FH: variants seen among roughly 807,000 people sequenced by gnomAD.
The protein encoded by FH is fumarate hydratase.
A neutral mutation model predicts 49.4 loss-of-function variants in FH; 22 were observed. That is an observed-to-expected ratio of 0.45 (90% confidence interval 0.32 to 0.64). FH has a LOEUF of 0.64. Ranked by LOEUF, FH falls within the 30% of genes least tolerant of loss-of-function variation. The probability of loss-of-function intolerance (pLI) is 0.05; values close to 1 mark genes in which losing one functional copy is unlikely to be tolerated. For synonymous variants in FH, 208 were observed against 223.0 expected (o/e 0.93, Z 0.60); for missense variants, 526 against 641.5 (o/e 0.82, Z 1.95).
At chr1:241,506,647 A>C (rs1186662467) in intron 5 of FH, among the ~76,000 whole-genome samples, 2 of 152,218 alleles carry the variant, frequency 1.3e-5, no homozygotes, top group African/African-American at 4.8e-5. Flanking sequence ...CCTACCAGGA[A>C]ATATGAAGAC....
chr1:241,515,282 G>A (rs1249716637), intron 2 of FH, among the ~76,000 whole-genome samples: 3 of 152,078 alleles, frequency 2.0e-5, no homozygotes, highest in African/African-American at 4.8e-5. Context: ...CAATGGCTGT[G>A]CTGTCTCTGG....
intron 4 of FH, among the ~76,000 whole-genome samples, chr1:241,509,986 T>A (rs1660042720): frequency 6.6e-6 from 1 of 152,194 alleles, no homozygotes; most frequent in Non-Finnish European, 1.5e-5. Flanking sequence ...ATTCAAATAG[T>A]TTACATAATT....
intron 9 of FH, among the ~76,000 whole-genome samples, chr1:241,498,720 T>C (rs2341941): frequency 1.1e-4 from 11 of 101,580 alleles, no homozygotes; most frequent in African/African-American, 3.8e-4. Flanking sequence ...TATATATATA[T>C]ATATATATAT....
intron 9 of FH, among the ~76,000 whole-genome samples, chr1:241,500,013 AAAC>A (rs1234166840): frequency 2.0e-5 from 3 of 152,224 alleles, no homozygotes; most frequent in African/African-American, 7.2e-5. Flanking sequence ...GAATTGAATA[AAAC>A]AACAAAATTA....
intron 4 of FH, among the ~76,000 whole-genome samples, chr1:241,510,368 C>A (rs1660053600): frequency 6.6e-6 from 1 of 152,142 alleles, no homozygotes; most frequent in Non-Finnish European, 1.5e-5. Context: ...TAAAAGGACA[C>A]AAGAGCCAAA....
chr1:241,501,733 C>A (rs902369013), intron 8 of FH, among the ~76,000 whole-genome samples: 4 of 152,178 alleles, frequency 2.6e-5, no homozygotes, highest in African/African-American at 9.7e-5. Flanking sequence ...AGCTATAACA[C>A]TTTGTCCAAA....
rs778786425 is a variant in FH, at chr1:241,508,664, G to T, written c.677C>A (p.Ala226Glu). Residue 226 changes from alanine to glutamate, a missense_variant, in exon 5 of 10, where the codon GCA becomes GAA. Ala to Glu is a moderately radical substitution (Grantham distance 107, BLOSUM62 -1). This residue lies in a region of FH where 383 missense variants were observed against 514.0 expected (regional missense o/e 0.75). Transcript: ENST00000366560. ...AGTACGTCCAATCTTGATGATCTGT[G>T]CAAACTCTTTGGATTTTGCATCAAG... is the stretch of plus-strand genomic sequence containing the variant. Reference protein sequence around the residue: ...DALDAKSKEFAQIIKIGRTHT... With the variant: ...DALDAKSKEFEQIIKIGRTHT... 3.1e-6 allele frequency: 5 copies of T among 1,613,656 alleles called. No homozygotes were observed. The highest frequency in any genetic ancestry group is 4.2e-6 in the Non-Finnish European group (5 of 1,179,634).
intron 1 of FH, 110 bp from the exon 2 acceptor site, chr1:241,517,426 G>T: frequency 1.7e-6 from 2 of 1,196,170 alleles, no homozygotes; most frequent in Non-Finnish European, 2.4e-6. Flanking sequence ...GTATCACAAA[G>T]ACAAAAAAAT....
rs1193847605 is a variant in FH, at chr1:241,515,061, G to GA, written c.268-1349dup. ...AAATGGCAAAATGTATCACTAGAGA[G>GA]AAAAGACAGGTCACTTTATTCTTAA... On this transcript the variant is annotated intron_variant, in intron 2 of 9. Transcript: ENST00000366560. Among the ~76,000 whole-genome samples the GA allele has an allele frequency of 2.6e-5, 4 of 152,304 alleles. No homozygotes were observed. The East Asian group carries it at 5.8e-4, about 22-fold the overall frequency.
Position 241,508,609 on chromosome 1 carries a change from A to G in FH, c.732T>C (p.Leu244=), listed in dbSNP as rs1277279137. 1 of 1,613,178 alleles carries G rather than the reference A, an allele frequency of 6.2e-7. No homozygotes were observed. The highest frequency in any genetic ancestry group is 1.7e-5 in the Admixed American group (1 of 60,002). Reference sequence around the variant, plus strand: ...ATTAGTCAAACTCCTATACCTGCCCAAGAGTAAGTGGAACAGCATCCTGAG... The same window carrying G: ...ATTAGTCAAACTCCTATACCTGCCCGAGAGTAAGTGGAACAGCATCCTGAG... ...THTQDAVPLT[L]GQEFSGYVQQ... Residue 244 remains leucine (L), a synonymous_variant, in exon 5 of 10, where the codon CTT becomes CTC. Coordinates refer to ENST00000366560, the MANE Select transcript of FH (RefSeq NM_000143.4).
intron 5 of FH, among the ~76,000 whole-genome samples, chr1:241,506,838 T>C (rs1383004031): frequency 6.6e-6 from 1 of 152,130 alleles, no homozygotes; most frequent in Non-Finnish European, 1.5e-5. Flanking sequence ...ACCACAGAAT[T>C]TATGTTTTGA....
intron 8 of FH, among the ~76,000 whole-genome samples, chr1:241,502,198 T>G (rs1191020932): frequency 6.6e-6 from 1 of 152,170 alleles, no homozygotes; most frequent in African/African-American, 2.4e-5. Flanking sequence ...GGAGACAGGC[T>G]TGTAGGGAGG....
Position 241,511,534 on chromosome 1 carries a change from TGA to T in FH, c.555+431_555+432del, listed in dbSNP as rs1260073416. On this transcript the variant is annotated intron_variant, in intron 4 of 9. Transcript: ENST00000366560. ...TGAAAAAGAACATGAGTGGAAAAACTGAGGAAAGCCTCAGTTTTTTGTTTTTT... is the reference window on the plus strand; with the variant it reads ...TGAAAAAGAACATGAGTGGAAAAACTGGAAAGCCTCAGTTTTTTGTTTTTT... 2.6e-5 allele frequency among the ~76,000 whole-genome samples: 4 copies of T among 152,124 alleles called. No individual in the cohort carries two copies. The East Asian group carries it at 7.7e-4, about 29-fold the overall frequency.
In FH at chr1:241,519,607, G is replaced by C. The variant is rs1415259326; in HGVS notation, c.116C>G (p.Pro39Arg). 2 of 1,547,696 alleles carry C rather than the reference G, an allele frequency of 1.3e-6. No individual in the cohort carries two copies. The highest frequency in any genetic ancestry group is 2.4e-5 in the South Asian group (2 of 83,908). The change falls in exon 1 of 10, where the codon CCG becomes CGG. Residue 39 changes from proline (P) to arginine (R), a missense_variant. By Grantham distance (103) the Pro-to-Arg change is moderately radical. Transcript: ENST00000366560. ...GGAAVPSFWP[P>R]NAARMASQNS... ...TGCGCTCACCATTCGAGCCGCGTTC[G>C]GAGGCCAAAACGAGGGCACGGCCGC... is the stretch of plus-strand genomic sequence containing the variant.
At chr1:241,514,041 ATG>A (rs946028180) in intron 2 of FH, among the ~76,000 whole-genome samples, 7 of 152,170 alleles carry the variant, frequency 4.6e-5, no homozygotes, top group Admixed American at 6.5e-5. Context: ...AATAAATTAT[ATG>A]TGTTTATTTC....
At chr1:241,510,089 G>C (rs906817303) in intron 4 of FH, among the ~76,000 whole-genome samples, 2 of 152,042 alleles carry the variant, frequency 1.3e-5, no homozygotes, top group African/African-American at 4.8e-5. Flanking sequence ...ATTCATAAAG[G>C]CAAGTATTAG....
At chr1:241,518,634 TGTAA>T (rs1439469528) in intron 1 of FH, among the ~76,000 whole-genome samples, 1 of 152,242 alleles carries the variant, frequency 6.6e-6, no homozygotes, top group Non-Finnish European at 1.5e-5. Context: ...GCTGAGTAGC[TGTAA>T]GTATTTCAAC....
intron 2 of FH, among the ~76,000 whole-genome samples, chr1:241,516,837 G>A (rs1405237906): frequency 1.3e-5 from 2 of 151,160 alleles, no homozygotes; most frequent in Admixed American, 6.6e-5. Flanking sequence ...ATTTTTAGTA[G>A]AGACAGAGTT....
At chr1:241,514,749 A>G (rs1014802855) in intron 2 of FH, among the ~76,000 whole-genome samples, 1 of 152,246 alleles carries the variant, frequency 6.6e-6, no homozygotes, top group African/African-American at 2.4e-5. Flanking sequence ...TTGAAATTTC[A>G]ATTTTAAGTA....
Sources: gnomAD v4.1 joint callset for allele counts (sites outside exome capture counted in the v4.1 genomes callset) on GRCh38, gnomAD v4.1.1 for gene constraint, gnomAD v4.1.1 regional missense constraint, MANE v1.5 for transcripts, NCBI Gene and HGNC (gene_info 2026-07-23, HGNC 2026-07-21) for gene names.